FGF5: variants seen among roughly 807,000 people sequenced by gnomAD.
FGF5 encodes fibroblast growth factor 5, also known as heparin-binding growth factor 5.
Under a neutral mutation model 21.8 loss-of-function variants are expected in FGF5, and 23 were observed. That is an observed-to-expected ratio of 1.05 (90% CI 0.76 to 1.49). The LOEUF (loss-of-function observed/expected upper bound fraction) is 1.49. Ranked by LOEUF, FGF5 falls within the 40% of genes most tolerant of loss-of-function variation. The pLI is 0.00. For synonymous variants in FGF5, 158 were observed against 124.0 expected, an observed-to-expected ratio of 1.27 and a Z score of -1.82; for missense variants, 352 against 332.9, an observed-to-expected ratio of 1.06 and a Z score of -0.45.
At chr4:80,275,512 A>T (rs75257233) in intron 2 of FGF5, among the ~76,000 whole-genome samples, 1 of 152,116 alleles carries the variant, frequency 6.6e-6, no homozygotes, top group African/African-American at 2.4e-5. Flanking sequence ...TTTCATAGAC[A>T]AATTTTATTT....
chr4:80,283,573 A>G (rs1285102362), intron 2 of FGF5, among the ~76,000 whole-genome samples: 1 of 152,182 alleles, frequency 6.6e-6, no homozygotes, highest in Admixed American at 6.5e-5. Context: ...TGTCATCTAC[A>G]TTAGTTAAAA....
rs1720098657 is a variant in FGF5 at position 80,266,758 on chromosome 4, C to G, written c.-67C>G. 2.2e-6 allele frequency: 3 copies of G among 1,351,626 alleles called. No individual in the cohort carries two copies. Among genetic ancestry groups the G allele is most frequent in the Non-Finnish European group, 1.0e-6 (1 of 994,634 alleles). The allele number at this position is 1,351,626 out of a possible 1,614,324, so 83.7% of individuals were successfully genotyped here. A position where few individuals can be genotyped will look rare whatever the true frequency, so the allele number is the denominator to read the frequency against. The stretch of plus-strand genomic sequence containing the variant: ...GCGGGCAGAGCCAGAGGCACGCAGC[C>G]GCACAGGGGCTACAGAGCCCAGAAT... On this transcript the variant is annotated 5_prime_UTR_variant, in exon 1 of 3. Coordinates refer to ENST00000312465, the MANE Select transcript of FGF5 (RefSeq NM_004464.4).
In FGF5 at chr4:80,290,822, A is replaced by T. The variant is rs1184249763; in HGVS notation, c.*4150A>T. ...TTGGTCCTTGCAATAGTTTGCTGAG[A>T]ATGATGGTTTCCAGCTTCATCCATG... On this transcript the variant is annotated 3_prime_UTR_variant, in exon 3 of 3. Coordinates refer to ENST00000312465, the MANE Select transcript of FGF5 (RefSeq NM_004464.4). The T allele has an allele frequency of 6.6e-6, 1 of 152,096 alleles. No homozygotes were observed. Among genetic ancestry groups the T allele is most frequent in the African/African-American group, 2.4e-5 (1 of 41,400 alleles). The allele number at this position is 152,096 out of a possible 1,614,324, so 9.4% of individuals were successfully genotyped here. A position where few individuals can be genotyped will look rare whatever the true frequency, so the allele number is the denominator to read the frequency against.
In FGF5 at chr4:80,284,152, C is replaced by T. The variant is rs145917232; in HGVS notation, c.460-2173C>T. On this transcript the variant is annotated intron_variant, in intron 2 of 2. Coordinates refer to ENST00000312465, the MANE Select transcript of FGF5 (RefSeq NM_004464.4). ...GGTGATTGTTTATAATACCTGCCTT[C>T]GGCCGGGTGCGGTGGCTCACACCTG... Among the ~76,000 whole-genome samples the T allele has an allele frequency of 1.3e-4, 20 of 152,214 alleles. No individual in the cohort carries two copies. The East Asian group carries it at 3.5e-3, about 26-fold the overall frequency.
At chr4:80,281,328 G>A (rs1720549366) in intron 2 of FGF5, among the ~76,000 whole-genome samples, 2 of 152,276 alleles carry the variant, frequency 1.3e-5, no homozygotes, top group South Asian at 4.1e-4. Context: ...TAGAAGTGAT[G>A]CATGTGACAA....
At chr4:80,276,220 C>A (rs1257629399) in intron 2 of FGF5, among the ~76,000 whole-genome samples, 1 of 151,726 alleles carries the variant, frequency 6.6e-6, no homozygotes, top group African/African-American at 2.4e-5. Flanking sequence ...TAAATATTGC[C>A]TATTATTATA....
At position 80,266,985 on chromosome 4, in the gene FGF5, T is replaced by C. The variant is rs1720110004; in HGVS notation, c.161T>C (p.Met54Thr). The change falls in exon 1 of 3, where the codon ATG (methionine) becomes ACG (threonine). Residue 54 changes from methionine to threonine, a missense_variant. Met to Thr is a moderately conservative substitution (Grantham distance 81). Transcript: ENST00000312465. Reference sequence around the variant, plus strand: ...AGCAGACAGAGCAGCAGTAGCGCTATGTCTTCCTCTTCTGCCTCCTCCTCC... The same window carrying C: ...AGCAGACAGAGCAGCAGTAGCGCTACGTCTTCCTCTTCTGCCTCCTCCTCC... ...SSSRQSSSSAMSSSSASSSPA... is the reference protein window; with the variant it reads ...SSSRQSSSSATSSSSASSSPA... 2 of 1,614,208 alleles carry C rather than the reference T, an allele frequency of 1.2e-6. No homozygotes were observed. The highest frequency in any genetic ancestry group is 2.2e-5 in the East Asian group (1 of 44,874).
In FGF5 at chr4:80,266,765, G is replaced by A. The variant is rs925901977; in HGVS notation, c.-60G>A. 3 of 1,400,068 alleles carry A rather than the reference G, an allele frequency of 2.1e-6. No individual in the cohort carries two copies. In the South Asian group the frequency reaches 4.1e-5, roughly 19 times the overall value. The allele number at this position is 1,400,068 out of a possible 1,614,324, so 86.7% of individuals were successfully genotyped here. On this transcript the variant is annotated 5_prime_UTR_variant, in exon 1 of 3. Coordinates refer to ENST00000312465, the MANE Select transcript of FGF5 (RefSeq NM_004464.4). ...GAGCCAGAGGCACGCAGCCGCACAG[G>A]GGCTACAGAGCCCAGAATCAGCCCT...
chr4:80,286,810 T>A lies in FGF5; in HGVS notation c.*138T>A. The A allele has an allele frequency of 4.6e-6, 3 of 646,866 alleles. No individual in the cohort carries two copies. The South Asian group carries it at 6.3e-5, about 14-fold the overall frequency. The allele number at this position is 646,866 out of a possible 1,614,324, so 40.1% of individuals were successfully genotyped here. The stretch of plus-strand genomic sequence containing the variant: ...ATTGAAGTCACGTCATTTGTTTCAA[T>A]GTGACTGAAACAAAATGTTTTTTGA... On this transcript the variant is annotated 3_prime_UTR_variant, in exon 3 of 3. Coordinates refer to ENST00000312465, the MANE Select transcript of FGF5 (RefSeq NM_004464.4).
At chr4:80,281,908 T>C (rs1720563849) in intron 2 of FGF5, among the ~76,000 whole-genome samples, 1 of 152,186 alleles carries the variant, frequency 6.6e-6, no homozygotes, top group Non-Finnish European at 1.5e-5. Flanking sequence ...TTGTTTAAAA[T>C]TGATCCTTCA....
chr4:80,283,536 G>A (rs1238926379), intron 2 of FGF5, among the ~76,000 whole-genome samples: 2 of 152,156 alleles, frequency 1.3e-5, no homozygotes, highest in Non-Finnish European at 2.9e-5. Context: ...GTCTGCACAT[G>A]CACCTGTGCA....
At chr4:80,273,548 G>C (rs1300900776) in intron 1 of FGF5, among the ~76,000 whole-genome samples, 1 of 152,134 alleles carries the variant, frequency 6.6e-6, no homozygotes, top group Non-Finnish European at 1.5e-5. Flanking sequence ...ACTGCAGGGA[G>C]AGTTTGCTAT....
At chr4:80,270,899 C>T (rs1208303650) in intron 1 of FGF5, among the ~76,000 whole-genome samples, 5 of 152,114 alleles carry the variant, frequency 3.3e-5, no homozygotes, top group Non-Finnish European at 7.4e-5. Context: ...AGACAGTCCC[C>T]CAAGCCTAGA....
In FGF5 at chr4:80,286,352, A is replaced by G; in HGVS notation, c.487A>G (p.Arg163Gly). 6.3e-7 allele frequency: 1 copy of G among 1,598,346 alleles called. No individual in the cohort carries two copies. The highest frequency in any genetic ancestry group is 8.5e-7 in the Non-Finnish European group (1 of 1,170,846). The change falls in exon 3 of 3, where the codon AGG (arginine) becomes GGG (glycine). Residue 163 changes from arginine to glycine, a missense_variant. By Grantham distance (125) the Arg-to-Gly change is moderately radical. Transcript: ENST00000312465. ...CAAGTTCACAGATGACTGCAAGTTC[A>G]GGGAGCGTTTTCAAGAAAATAGCTA... Reference protein sequence around the residue: ...SAKFTDDCKFRERFQENSYNT... With the variant: ...SAKFTDDCKFGERFQENSYNT...
intron 1 of FGF5, among the ~76,000 whole-genome samples, chr4:80,272,923 A>G (rs1273914704): frequency 6.6e-6 from 1 of 152,116 alleles, no homozygotes; most frequent in Non-Finnish European, 1.5e-5. Flanking sequence ...TCCCAATATC[A>G]TTCCGTATTT....
intron 2 of FGF5, among the ~76,000 whole-genome samples, chr4:80,282,290 G>A (rs1720575005): frequency 6.6e-6 from 1 of 151,828 alleles, no homozygotes; most frequent in Admixed American, 6.6e-5. Context: ...TAATAGTAGT[G>A]TGTTTCCTCT....
At chr4:80,268,620 C>A (rs1720182470) in intron 1 of FGF5, 2 of 586,310 alleles carry the variant, frequency 3.4e-6, no homozygotes, top group Non-Finnish European at 4.3e-6. Flanking sequence ...GGGCCTAATG[C>A]GGAAGACCTG....
chr4:80,276,001 T>G (rs2109922347), intron 2 of FGF5, among the ~76,000 whole-genome samples: 1 of 152,174 alleles, frequency 6.6e-6, no homozygotes, highest in East Asian at 1.9e-4. Context: ...ATAATTTGAT[T>G]TGATAGATCT....
chr4:80,290,849 C>T lies in FGF5; in HGVS notation c.*4177C>T, dbSNP rs1430611350. 2 of 152,150 alleles carry T rather than the reference C, an allele frequency of 1.3e-5. No individual in the cohort carries two copies. Among genetic ancestry groups the T allele is most frequent in the African/African-American group, 2.4e-5 (1 of 41,436 alleles). 9.4% of individuals were successfully genotyped at this position (152,150 alleles called of 1,614,324 possible). On this transcript the variant is annotated 3_prime_UTR_variant, in exon 3 of 3. Transcript: ENST00000312465. ...TGATGGTTTCCAGCTTCATCCATGTCCCTACAAAGAACATGAACTCATCAT... is the reference window on the plus strand; with the variant it reads ...TGATGGTTTCCAGCTTCATCCATGTTCCTACAAAGAACATGAACTCATCAT...
Sources: allele counts gnomAD v4.1 joint callset (sites outside exome capture counted in the v4.1 genomes callset), GRCh38; gene constraint gnomAD v4.1.1; transcripts MANE v1.5; gene names NCBI Gene and HGNC (gene_info 2026-07-23, HGNC 2026-07-21).